The following NAA40 variants were observed in gnomAD, a reference collection of about 807,000 sequenced individuals.
NAA40 encodes the protein N-alpha-acetyltransferase 40, NatD catalytic subunit.
NAA40 carries 26 observed loss-of-function variants against 36.6 expected under a neutral mutation model. The observed-to-expected ratio is 0.71, with a 90% CI of 0.52 to 0.98. NAA40 has a LOEUF of 0.98. Among genes scored for constraint, NAA40 ranks in the 50% least tolerant of loss-of-function variants. The pLI is 0.00. For missense variants in NAA40, 237 were observed against 306.5 expected, an observed-to-expected ratio of 0.77 and a Z score of 1.69; for synonymous variants, 129 against 108.4, an observed-to-expected ratio of 1.19 and a Z score of -1.18.
chr11:63,949,027 A>T (rs4980511), intron 3 of NAA40, among the ~76,000 whole-genome samples: 4,849 of 151,976 alleles, frequency 0.032, 133 homozygotes, highest in Non-Finnish European at 0.045. Flanking sequence ...CAAAAAAAAA[A>T]TTTTTTTAAT....
intron 3 of NAA40, among the ~76,000 whole-genome samples, chr11:63,950,126 T>G (rs1443143645): frequency 1.6e-4 from 24 of 149,874 alleles, no homozygotes; most frequent in African/African-American, 5.2e-4. Context: ...TTTTTTGTTT[T>G]TTTTTTTTTT....
intron 3 of NAA40, among the ~76,000 whole-genome samples, chr11:63,950,002 C>A (rs1395274540): frequency 1.3e-5 from 2 of 151,992 alleles, no homozygotes; most frequent in African/African-American, 2.4e-5. Flanking sequence ...CCTCGGCCTC[C>A]CAAAGTGCTG....
chr11:63,939,060 G>T lies in NAA40; in HGVS notation c.-37G>T, dbSNP rs750838067. 8.7e-6 allele frequency: 14 copies of T among 1,602,196 alleles called. No individual in the cohort carries two copies. The East Asian group carries it at 3.3e-4, about 37-fold the overall frequency. Reference sequence around the variant, plus strand: ...GCCGTTGCCGCCTCCCTGCCGGCAAGTGTGTGAAGAAGAAGCTGAGCGTTG... The same window carrying T: ...GCCGTTGCCGCCTCCCTGCCGGCAATTGTGTGAAGAAGAAGCTGAGCGTTG... On this transcript the variant is annotated 5_prime_UTR_variant, in exon 1 of 8. Transcript: ENST00000377793.
chr11:63,950,764 A>G (rs1942267806), intron 3 of NAA40, among the ~76,000 whole-genome samples: 1 of 152,182 alleles, frequency 6.6e-6, no homozygotes, highest in African/African-American at 2.4e-5. Context: ...GCCCGGCCTC[A>G]TAGTGTTTTC....
chr11:63,945,778 G>C (rs1942176320), intron 1 of NAA40, 62 bp from the exon 2 acceptor site: 2 of 1,451,818 alleles, frequency 1.4e-6, no homozygotes, highest in Non-Finnish European at 9.7e-7. Flanking sequence ...ATTCCTTAAA[G>C]GGAAAGTCAG....
chr11:63,952,699 C>G (rs1411422552), intron 5 of NAA40, 57 bp from the exon 6 acceptor site: 3 of 1,606,874 alleles, frequency 1.9e-6, no homozygotes, highest in Admixed American at 3.3e-5. Context: ...TCTGCCAGAC[C>G]TTACAGCCTC....
chr11:63,950,962 G>A (rs991423497), intron 3 of NAA40, among the ~76,000 whole-genome samples: 1 of 152,210 alleles, frequency 6.6e-6, no homozygotes, highest in East Asian at 1.9e-4. Flanking sequence ...GTTAAGATAG[G>A]TGCAGTGCTG....
At chr11:63,949,741 C>CTT (rs1590755956) in intron 3 of NAA40, among the ~76,000 whole-genome samples, 1 of 118,218 alleles carries the variant, frequency 8.5e-6, no homozygotes, top group Non-Finnish European at 1.7e-5. Context: ...AACTTGCAAG[C>CTT]TGTTTTTTTT....
intron 2 of NAA40, 92 bp downstream of exon 2, chr11:63,946,027 G>C: frequency 7.1e-6 from 8 of 1,121,014 alleles, no homozygotes; most frequent in Admixed American, 1.9e-5. Flanking sequence ...TGGCAGAATT[G>C]TGACACTACC....
chr11:63,943,597 A>G (rs1349625054), intron 1 of NAA40, among the ~76,000 whole-genome samples: 1 of 152,102 alleles, frequency 6.6e-6, no homozygotes, highest in East Asian at 1.9e-4. Context: ...GAGTGGTCAC[A>G]TTGTCTCTTC....
rs1278673521 is a variant in NAA40, at chr11:63,957,212, A to ATATATTTTT, written c.*2734_*2735insATATTTTTT. On this transcript the variant is annotated 3_prime_UTR_variant, in exon 8 of 8. Transcript: ENST00000377793. ...CCTTGATATATATATATATATATAT[A>ATATATTTTT]TTTTTTTTTTTCTTTAGCAGCTTGT... 1.2e-3 allele frequency: 74 copies of ATATATTTTT among 64,304 alleles called. No homozygotes were observed. The highest frequency in any genetic ancestry group is 2.8e-3 in the African/African-American group (67 of 23,970). 4.0% of individuals were successfully genotyped at this position (64,304 alleles called of 1,614,324 possible). A position where few individuals can be genotyped will look rare whatever the true frequency, so the allele number is the denominator to read the frequency against.
chr11:63,948,850 ATTAC>A (rs1250684340), intron 3 of NAA40, among the ~76,000 whole-genome samples: 1 of 151,942 alleles, frequency 6.6e-6, no homozygotes, highest in African/African-American at 2.4e-5. Context: ...CCCTGAACAA[ATTAC>A]TTAACCTTTC....
intron 1 of NAA40, among the ~76,000 whole-genome samples, chr11:63,941,961 A>AT (rs1361852248): frequency 7.1e-6 from 1 of 141,382 alleles, no homozygotes; most frequent in Non-Finnish European, 1.6e-5. Flanking sequence ...TACACTGCAC[A>AT]TGGAAACATT....
chr11:63,949,536 A>G (rs1942242400), intron 3 of NAA40, among the ~76,000 whole-genome samples: 1 of 152,094 alleles, frequency 6.6e-6, no homozygotes, highest in Non-Finnish European at 1.5e-5. Context: ...GGTTTCTAAA[A>G]TAGGAAGTAT....
intron 1 of NAA40, chr11:63,939,617 G>A: frequency 2.6e-6 from 1 of 386,934 alleles, no homozygotes; most frequent in Non-Finnish European, 3.5e-6. Context: ...GAGTCTCAGC[G>A]AAGCCGGTTC....
chr11:63,944,283 A>G (rs1041172667), intron 1 of NAA40, among the ~76,000 whole-genome samples: 5 of 152,066 alleles, frequency 3.3e-5, no homozygotes, highest in Non-Finnish European at 7.4e-5. Context: ...TCAGGGCTAG[A>G]TGTAATTGGG....
rs973326357 is a variant in NAA40 at position 63,939,245 on chromosome 11, C to T, written c.6+143C>T. 21 of 1,308,630 alleles carry T rather than the reference C, an allele frequency of 1.6e-5. No homozygotes were observed. The Admixed American group carries it at 2.1e-4, about 13-fold the overall frequency. The allele number at this position is 1,308,630 out of a possible 1,614,324, so 81.1% of individuals were successfully genotyped here. A position where few individuals can be genotyped will look rare whatever the true frequency, so the allele number is the denominator to read the frequency against. On this transcript the variant is annotated intron_variant, in intron 1 of 7. Transcript: ENST00000377793. Reference sequence around the variant, plus strand: ...CCTGACCCCCACATGACCCGACTCCCCCATTCTAAGGGTCCCTACGCTAGG... The same window carrying T: ...CCTGACCCCCACATGACCCGACTCCTCCATTCTAAGGGTCCCTACGCTAGG...
Position 63,954,066 on chromosome 11 carries a change from G to C in NAA40, c.572+17G>C. 1 of 1,613,338 alleles carries C rather than the reference G, an allele frequency of 6.2e-7. No homozygotes were observed. On this transcript the variant is annotated intron_variant, in intron 7 of 7. Transcript: ENST00000377793. ...AGCGTTGCAGTAAGGAGCTGGGTGT[G>C]GGCCCTTCTGGGTGGTAGGTGGGCC...
chr11:63,954,190 G>A (rs1942326298), intron 7 of NAA40, 141 bp downstream of exon 7: 1 of 1,304,518 alleles, frequency 7.7e-7, no homozygotes, highest in Non-Finnish European at 1.1e-6. Flanking sequence ...GAGATGGTAT[G>A]GCAGTGCTCT....
Sources: gnomAD v4.1 joint callset for allele counts (sites outside exome capture counted in the v4.1 genomes callset) on GRCh38, gnomAD v4.1.1 for gene constraint, MANE v1.5 for transcripts, NCBI Gene and HGNC (gene_info 2026-07-23, HGNC 2026-07-21) for gene names.